SASH3: variants seen among roughly 807,000 people sequenced by gnomAD.
The protein encoded by SASH3 is SAM and SH3 domain containing 3, also known as SAM and SH3 domain-containing protein 3.
Under a neutral mutation model 26.1 loss-of-function variants are expected in SASH3, and 7 were observed. That is an observed-to-expected ratio of 0.27 (90% CI 0.15 to 0.50). The LOEUF (loss-of-function observed/expected upper bound fraction) is 0.50, where lower values mean the gene tolerates loss of function less well. Ranked by LOEUF, SASH3 falls within the 20% of genes least tolerant of loss-of-function variation. The pLI is 0.98. For missense variants in SASH3, 231 were observed against 318.3 expected (o/e 0.73, Z 2.09); for synonymous variants, 138 against 136.8 (o/e 1.01, Z -0.06).
At position 129,794,084 on chromosome X, in the gene SASH3, C is replaced by G. The variant is rs1201892200; in HGVS notation, c.*252C>G. Reference sequence around the variant, plus strand: ...CCTCCACCAGCGACTGACAGCGCAGCCCCTCCTGGCACCAACTGCTCCCCT... The same window carrying G: ...CCTCCACCAGCGACTGACAGCGCAGGCCCTCCTGGCACCAACTGCTCCCCT... On this transcript the variant is annotated 3_prime_UTR_variant, in exon 8 of 8. Coordinates refer to ENST00000356892, the MANE Select transcript of SASH3 (RefSeq NM_018990.4). The G allele has an allele frequency of 7.9e-6, 3 of 377,394 alleles. No homozygotes were observed. Among genetic ancestry groups the G allele is most frequent in the Non-Finnish European group, 1.4e-5 (3 of 215,946 alleles). 31.1% of individuals were successfully genotyped at this position (377,394 alleles called of 1,213,427 possible).
At chrX:129,782,237 G>T (rs1244891918) in intron 1 of SASH3, among the ~76,000 whole-genome samples, 1 of 112,128 alleles carries the variant, frequency 8.9e-6, no homozygotes, top group Non-Finnish European at 1.9e-5. Context: ...AGGTTGTACA[G>T]ATCACCCAAA....
intron 5 of SASH3, 52 bp from the exon 6 acceptor site, chrX:129,792,574 GC>G (rs5903788): frequency 3.4e-6 from 4 of 1,192,232 alleles, no homozygotes; most frequent in Non-Finnish European, 4.5e-6. Context: ...GGAGGCCAAG[GC>G]CCCCCATATC....
chrX:129,789,168 A>AAAGAAAGAAAGAAAG, intron 3 of SASH3, among the ~76,000 whole-genome samples: 1 of 52,323 alleles, frequency 1.9e-5, no homozygotes, highest in East Asian at 9.6e-4. Flanking sequence ...AAAGAAAGAG[A>AAAGAAAGAAAGAAAG]AAAAAAAAAA....
rs759195017 is a variant in SASH3 at position 129,791,633 on chromosome X, C to T, written c.442+552C>T. On this transcript the variant is annotated intron_variant, in intron 4 of 7. Transcript: ENST00000356892. The stretch of plus-strand genomic sequence containing the variant: ...GGACAAGAGGTGCCAGCAGGGAACT[C>T]GTCCAGGCAGGGGCTTTGGGTTCTG... Among the ~76,000 whole-genome samples, 45 of 112,231 alleles carry T rather than the reference C, an allele frequency of 4.0e-4. No individual in the cohort carries two copies. The South Asian group carries it at 6.7e-3, about 17-fold the overall frequency.
intron 1 of SASH3, among the ~76,000 whole-genome samples, chrX:129,781,216 G>T (rs888934578): frequency 8.9e-6 from 1 of 112,157 alleles, no homozygotes; most frequent in Non-Finnish European, 1.9e-5. Flanking sequence ...GATCCCCCTT[G>T]TCAGGGGAGT....
rs1173531980 is a variant in SASH3 at position 129,794,620 on chromosome X, C to A, written c.*788C>A. ...TGAAATGGCTCCTCCTACTCACCCA[C>A]TTTATTCCTCTCCATGTAATTCAGG... On this transcript the variant is annotated 3_prime_UTR_variant, in exon 8 of 8. Transcript: ENST00000356892. 9.0e-6 allele frequency: 1 copy of A among 111,637 alleles called. No individual in the cohort carries two copies. The highest frequency in any genetic ancestry group is 3.3e-5 in the African/African-American group (1 of 30,649). 9.2% of individuals were successfully genotyped at this position (111,637 alleles called of 1,213,427 possible).
intron 1 of SASH3, among the ~76,000 whole-genome samples, chrX:129,782,562 G>T (rs182154948): frequency 8.9e-6 from 1 of 112,408 alleles, no homozygotes; most frequent in East Asian, 2.8e-4. Flanking sequence ...ACTTGCTGAA[G>T]GTCACACAGC....
intron 1 of SASH3, among the ~76,000 whole-genome samples, chrX:129,780,900 C>T (rs754466447): frequency 8.9e-6 from 1 of 111,787 alleles, no homozygotes; most frequent in Admixed American, 9.4e-5. Context: ...AAACAGCTGT[C>T]ATGGATGGCT....
In SASH3 at chrX:129,780,616, C is replaced by T. The variant is rs4551511; in HGVS notation, c.57+462C>T. ...GGCTGCCCAGCTTGGAGCCATGATG[C>T]TCACAGGACTGCCACCCCCTCCTCC... On this transcript the variant is annotated intron_variant, in intron 1 of 7. Coordinates refer to ENST00000356892, the MANE Select transcript of SASH3 (RefSeq NM_018990.4). Among the ~76,000 whole-genome samples the T allele has an allele frequency of 2.2e-3, 247 of 112,801 alleles. 2 individuals are homozygous for T. Among genetic ancestry groups the T allele is most frequent in the African/African-American group, 7.2e-3 (225 of 31,109 alleles).
intron 4 of SASH3, 112 bp from the exon 5 acceptor site, chrX:129,792,216 C>T: frequency 1.1e-6 from 1 of 898,378 alleles, no homozygotes. Context: ...AGCTGCCTTC[C>T]CGGTGTATAC....
intron 1 of SASH3, among the ~76,000 whole-genome samples, chrX:129,780,661 C>A (rs1430884668): frequency 8.9e-6 from 1 of 112,711 alleles, no homozygotes; most frequent in Admixed American, 9.3e-5. Context: ...ATGGCCCAGA[C>A]CCTGCCCACT....
chrX:129,791,111 G>A (rs369395812), intron 4 of SASH3, 30 bp downstream of exon 4: 19 of 1,196,276 alleles, frequency 1.6e-5, no homozygotes, highest in South Asian at 3.6e-5. Flanking sequence ...GACACCTGCC[G>A]AATCTGGAGG....
chrX:129,787,764 C>T (rs1407912689), intron 1 of SASH3, among the ~76,000 whole-genome samples: 1 of 111,806 alleles, frequency 8.9e-6, no homozygotes, highest in African/African-American at 3.3e-5. Flanking sequence ...AGGTCAGGAA[C>T]TTGGTCTGTG....
At chrX:129,780,226 G>A in intron 1 of SASH3, 72 bp downstream of exon 1, 1 of 1,010,300 alleles carries the variant, frequency 9.9e-7, no homozygotes, top group Non-Finnish European at 1.4e-6. Flanking sequence ...AAGACTCTTG[G>A]AAGTGGGAAG....
intron 3 of SASH3, among the ~76,000 whole-genome samples, 199 bp from the exon 4 acceptor site, chrX:129,790,741 G>A (rs1411323221): frequency 9.0e-6 from 1 of 111,313 alleles, no homozygotes; most frequent in East Asian, 2.8e-4. Flanking sequence ...TTTCTGTGAG[G>A]TAACCAGGGC....
chrX:129,792,613 C>T lies in SASH3; in HGVS notation c.592-14C>T, dbSNP rs759316311. ...CTCTCCCTTGCTCCCTTCTCCTCTC[C>T]TCTCCCCCAACAGAAAGGAGATGTG... On this transcript the variant is annotated splice_polypyrimidine_tract_variant and intron_variant, in intron 5 of 7. Transcript: ENST00000356892. 3 of 1,206,008 alleles carry T rather than the reference C, an allele frequency of 2.5e-6. No individual in the cohort carries two copies. The African/African-American group carries it at 5.2e-5, about 21-fold the overall frequency.
intron 1 of SASH3, among the ~76,000 whole-genome samples, chrX:129,780,761 A>G (rs751501672): frequency 4.8e-4 from 54 of 113,122 alleles, no homozygotes; most frequent in Non-Finnish European, 9.2e-4. Flanking sequence ...CTTGGGGGAA[A>G]AGGCATCCGG....
At chrX:129,790,105 C>T (rs888998628) in intron 3 of SASH3, among the ~76,000 whole-genome samples, 3 of 111,247 alleles carry the variant, frequency 2.7e-5, no homozygotes, top group Non-Finnish European at 5.7e-5. Flanking sequence ...TTTGTAAAAA[C>T]GAACAAAGGT....
chrX:129,791,759 T>C (rs1160246743), intron 4 of SASH3, among the ~76,000 whole-genome samples: 1 of 112,289 alleles, frequency 8.9e-6, no homozygotes, highest in African/African-American at 3.2e-5. Context: ...CTGAAAATCA[T>C]TCAAAATGCC....
Sources: allele counts gnomAD v4.1 joint callset (sites outside exome capture counted in the v4.1 genomes callset), GRCh38; gene constraint gnomAD v4.1.1; transcripts MANE v1.5; gene names NCBI Gene and HGNC (gene_info 2026-07-23, HGNC 2026-07-21).